TEKT1: variants seen among roughly 807,000 people sequenced by gnomAD.
TEKT1 encodes tektin-1.
TEKT1 carries 32 observed loss-of-function variants against 34.8 expected under a neutral mutation model. The observed-to-expected ratio is 0.92, with a 90% CI of 0.69 to 1.23. The LOEUF (loss-of-function observed/expected upper bound fraction) is 1.23, where lower values mean the gene tolerates loss of function less well. Among genes scored for constraint, TEKT1 ranks in the 50% most tolerant of loss-of-function variants. TEKT1 has a pLI of 0.00. For synonymous variants in TEKT1, 207 were observed against 199.8 expected, an observed-to-expected ratio of 1.04 and a Z score of -0.30; for missense variants, 492 against 518.5, an observed-to-expected ratio of 0.95 and a Z score of 0.50.
At chr17:6,815,119 G>A (rs759845070) in intron 5 of TEKT1, 44 bp downstream of exon 5, 38 of 1,576,208 alleles carry the variant, frequency 2.4e-5, no homozygotes, top group Middle Eastern at 3.4e-4. Flanking sequence ...TATCTGAGAA[G>A]CACTGGGTCA....
intron 2 of TEKT1, among the ~76,000 whole-genome samples, chr17:6,826,649 T>C (rs1480292129): frequency 1.3e-5 from 2 of 151,592 alleles, no homozygotes; most frequent in African/African-American, 4.9e-5. Context: ...GATAGATAGA[T>C]AGATAGATAG....
chr17:6,798,105 AT>A lies in TEKT1; in HGVS notation c.*1921del, dbSNP rs1976718234. On this transcript the variant is annotated 3_prime_UTR_variant, in exon 8 of 8. Coordinates refer to ENST00000338694, the MANE Select transcript of TEKT1 (RefSeq NM_053285.2). ...AAATCACATTTCCCTTAAAAGCAGC[AT>A]GTTCCAGACACTGTGTTGAGAGTCT... 1 of 152,244 alleles carries A rather than the reference AT, an allele frequency of 6.6e-6. No homozygotes were observed. Among genetic ancestry groups the A allele is most frequent in the African/African-American group, 2.4e-5 (1 of 41,466 alleles). The allele number at this position is 152,244 out of a possible 1,614,324, so 9.4% of individuals were successfully genotyped here. A position where few individuals can be genotyped will look rare whatever the true frequency, so the allele number is the denominator to read the frequency against.
rs947592804 is a variant in TEKT1 at position 6,799,030 on chromosome 17, T to C, written c.*997A>G. 21 of 152,174 alleles carry C rather than the reference T, an allele frequency of 1.4e-4. No homozygotes were observed. Among genetic ancestry groups the C allele is most frequent in the African/African-American group, 4.8e-4 (20 of 41,426 alleles). The allele number at this position is 152,174 out of a possible 1,614,324, so 9.4% of individuals were successfully genotyped here. A position where few individuals can be genotyped will look rare whatever the true frequency, so the allele number is the denominator to read the frequency against. On this transcript the variant is annotated 3_prime_UTR_variant, in exon 8 of 8. Transcript: ENST00000338694. ...GTGCTGAGATGGTAAGCCTCGTCCA[T>C]GGAAAGTGTTCCTTCAATGTTAGCG...
intron 2 of TEKT1, among the ~76,000 whole-genome samples, chr17:6,827,958 G>A (rs767762403): frequency 1.4e-5 from 2 of 144,868 alleles, no homozygotes; most frequent in Non-Finnish European, 3.0e-5. Flanking sequence ...TCTTTTTTTT[G>A]TTTTGAGACA....
chr17:6,818,993 A>G (rs1017627763), intron 3 of TEKT1, among the ~76,000 whole-genome samples, 200 bp downstream of exon 3: 10 of 152,210 alleles, frequency 6.6e-5, no homozygotes, highest in African/African-American at 2.4e-4. Context: ...GAGTTAGTCA[A>G]GAGCAGAGTT....
At chr17:6,819,940 G>C (rs757109870) in intron 2 of TEKT1, among the ~76,000 whole-genome samples, 1 of 152,036 alleles carries the variant, frequency 6.6e-6, no homozygotes, top group Admixed American at 6.6e-5. Flanking sequence ...CGCCTGCCTC[G>C]GCCTCCCAAA....
intron 6 of TEKT1, among the ~76,000 whole-genome samples, chr17:6,806,915 T>G (rs555245417): frequency 6.6e-6 from 1 of 152,310 alleles, no homozygotes; most frequent in Admixed American, 6.5e-5. Flanking sequence ...TTCCTTCATT[T>G]CAACTTTGGT....
chr17:6,804,078 C>A (rs1976814004), intron 6 of TEKT1, among the ~76,000 whole-genome samples: 2 of 152,146 alleles, frequency 1.3e-5, no homozygotes, highest in Non-Finnish European at 2.9e-5. Flanking sequence ...AATATTGATT[C>A]TTCCTACCCA....
chr17:6,828,519 T>C (rs1262249364), intron 2 of TEKT1, among the ~76,000 whole-genome samples: 1 of 152,184 alleles, frequency 6.6e-6, no homozygotes, highest in Non-Finnish European at 1.5e-5. Flanking sequence ...CCAGATTTTC[T>C]TGAAAAAATC....
intron 6 of TEKT1, among the ~76,000 whole-genome samples, chr17:6,810,884 G>A (rs1336276560): frequency 2.6e-5 from 4 of 151,980 alleles, no homozygotes; most frequent in South Asian, 2.1e-4. Flanking sequence ...GATTACAGGC[G>A]CCTGCCACCA....
intron 2 of TEKT1, among the ~76,000 whole-genome samples, chr17:6,822,562 C>T (rs949177145): frequency 6.6e-6 from 1 of 152,146 alleles, no homozygotes; most frequent in Non-Finnish European, 1.5e-5. Context: ...TGGATATTCT[C>T]AACACTTCTT....
At chr17:6,828,762 T>A (rs1201382352) in intron 2 of TEKT1, among the ~76,000 whole-genome samples, 1 of 152,202 alleles carries the variant, frequency 6.6e-6, no homozygotes, top group Non-Finnish European at 1.5e-5. Flanking sequence ...TTGTTTGTTT[T>A]GTTTTATGTT....
chr17:6,819,838 C>T (rs930285519), intron 2 of TEKT1, among the ~76,000 whole-genome samples: 1 of 152,192 alleles, frequency 6.6e-6, no homozygotes, highest in Non-Finnish European at 1.5e-5. Flanking sequence ...CAGGCATCCG[C>T]CACCACACCC....
At chr17:6,816,233 T>C (rs996620100) in intron 3 of TEKT1, among the ~76,000 whole-genome samples, 5 of 152,178 alleles carry the variant, frequency 3.3e-5, no homozygotes, top group Non-Finnish European at 5.9e-5. Context: ...CTTTTCTTTG[T>C]ATTTTTTTTA....
intron 2 of TEKT1, among the ~76,000 whole-genome samples, chr17:6,828,294 C>A (rs1904469251): frequency 6.6e-6 from 1 of 152,118 alleles, no homozygotes; most frequent in Non-Finnish European, 1.5e-5. Flanking sequence ...TAGAACAGGC[C>A]TATCTACAGG....
At chr17:6,804,197 T>A (rs1976815540) in intron 6 of TEKT1, among the ~76,000 whole-genome samples, 1 of 152,186 alleles carries the variant, frequency 6.6e-6, no homozygotes, top group Admixed American at 6.5e-5. Context: ...ATTGGATTCC[T>A]AGGTATTTTA....
rs568554162 is a variant in TEKT1 at position 6,805,398 on chromosome 17, A to G, written c.853-4455T>C. 5.9e-5 allele frequency among the ~76,000 whole-genome samples: 9 copies of G among 151,460 alleles called. No homozygotes were observed. In the East Asian group the frequency reaches 1.7e-3, roughly 29 times the overall value. On this transcript the variant is annotated intron_variant, in intron 6 of 7. Transcript: ENST00000338694. ...TGCTAGCGGTCTATCAATTTTGTTG[A>G]TCTTTTCAAAAAACCAGCTCCTGGA...
chr17:6,824,027 T>C (rs1200834395), intron 2 of TEKT1, among the ~76,000 whole-genome samples: 1 of 152,046 alleles, frequency 6.6e-6, no homozygotes, highest in African/African-American at 2.4e-5. Flanking sequence ...TCTCACCGTG[T>C]TAGCCAGGAT....
At chr17:6,806,949 G>A (rs936282418) in intron 6 of TEKT1, among the ~76,000 whole-genome samples, 4 of 152,068 alleles carry the variant, frequency 2.6e-5, no homozygotes, top group African/African-American at 9.7e-5. Context: ...ATGTGTCTTG[G>A]AGTTGCTCTT....
Sources: allele counts gnomAD v4.1 joint callset (sites outside exome capture counted in the v4.1 genomes callset), GRCh38; gene constraint gnomAD v4.1.1; transcripts MANE v1.5; gene names NCBI Gene and HGNC (gene_info 2026-07-23, HGNC 2026-07-21).